Variants in TAFA5 observed in about 807,000 individuals in gnomAD.
TAFA5 encodes the protein chemokine-like protein TAFA-5.
A neutral mutation model predicts 15.3 loss-of-function variants in TAFA5; 6 were observed. The observed-to-expected ratio is 0.39, with a 90% CI of 0.21 to 0.77. TAFA5 has a LOEUF of 0.77. TAFA5 is among the 30% of genes least tolerant of loss of function. The pLI is 0.41. For synonymous variants in TAFA5, 103 were observed against 80.7 expected (o/e 1.28, Z -1.48); for missense variants, 161 against 193.1 (o/e 0.83, Z 0.98).
At chr22:48,724,036 G>A (rs935397275) in intron 3 of TAFA5, among the ~76,000 whole-genome samples, 3 of 152,248 alleles carry the variant, frequency 2.0e-5, no homozygotes, top group African/African-American at 7.2e-5. Flanking sequence ...AAGACTCGGG[G>A]TGCTGGTTGC....
At chr22:48,701,083 G>C (rs1273780353) in intron 2 of TAFA5, among the ~76,000 whole-genome samples, 2 of 152,124 alleles carry the variant, frequency 1.3e-5, no homozygotes, top group Non-Finnish European at 2.9e-5. Flanking sequence ...CTAGGGCCTG[G>C]TACAATGGAT....
At chr22:48,677,544 G>A (rs1465023001) in intron 2 of TAFA5, among the ~76,000 whole-genome samples, 1 of 152,224 alleles carries the variant, frequency 6.6e-6, no homozygotes, top group Non-Finnish European at 1.5e-5. Flanking sequence ...AGACCCAGCA[G>A]CAACGTGGGA....
At chr22:48,712,377 T>C (rs1042012379) in intron 3 of TAFA5, among the ~76,000 whole-genome samples, 1 of 152,204 alleles carries the variant, frequency 6.6e-6, no homozygotes, top group Non-Finnish European at 1.5e-5. Context: ...CTTTTGAAAG[T>C]GCAGGCCGTC....
chr22:48,695,215 C>G (rs1166890491), intron 2 of TAFA5, among the ~76,000 whole-genome samples: 9 of 152,052 alleles, frequency 5.9e-5, no homozygotes, highest in African/African-American at 2.2e-4. Context: ...TAACGTTGCC[C>G]ACTCCTTTTC....
chr22:48,589,489 T>G (rs1924482047), intron 1 of TAFA5, among the ~76,000 whole-genome samples: 1 of 151,436 alleles, frequency 6.6e-6, no homozygotes, highest in African/African-American at 2.4e-5. Context: ...CAGGGTTGGT[T>G]GGAGGTCCCC....
At chr22:48,545,573 G>C (rs1177557310) in intron 1 of TAFA5, 1 of 153,440 alleles carries the variant, frequency 6.5e-6, no homozygotes, top group Non-Finnish European at 1.4e-5. Flanking sequence ...TTGGTGCTGG[G>C]AGAGGTGGAG....
chr22:48,517,124 C>T (rs1377952735), intron 1 of TAFA5, among the ~76,000 whole-genome samples: 1 of 152,126 alleles, frequency 6.6e-6, no homozygotes, highest in Non-Finnish European at 1.5e-5. Context: ...AGCCATTCTC[C>T]CAGCCCCGGA....
At chr22:48,730,825 G>C (rs1179216814) in intron 3 of TAFA5, among the ~76,000 whole-genome samples, 1 of 152,064 alleles carries the variant, frequency 6.6e-6, no homozygotes, top group African/African-American at 2.4e-5. Flanking sequence ...GGGCCTCCCT[G>C]TTCTCTGAAT....
intron 1 of TAFA5, among the ~76,000 whole-genome samples, chr22:48,535,134 G>A (rs1399225786): frequency 6.6e-6 from 1 of 152,144 alleles, no homozygotes; most frequent in Non-Finnish European, 1.5e-5. Flanking sequence ...CCCTTACCTG[G>A]GAACGTTCTG....
intron 1 of TAFA5, among the ~76,000 whole-genome samples, chr22:48,553,340 T>C (rs564900955): frequency 5.1e-4 from 78 of 152,208 alleles, no homozygotes; most frequent in African/African-American, 1.8e-3. Flanking sequence ...CACGGGTCGG[T>C]CTCAGCTCTG....
chr22:48,695,835 C>T (rs1198033169), intron 2 of TAFA5, among the ~76,000 whole-genome samples: 1 of 152,268 alleles, frequency 6.6e-6, no homozygotes, highest in Admixed American at 6.5e-5. Context: ...AGAGTCCTGG[C>T]GAGGGGAGTC....
rs559579779 is a variant in TAFA5, at chr22:48,613,963, C to T, written c.113-32634C>T. Among the ~76,000 whole-genome samples, 74 of 152,332 alleles carry T rather than the reference C, an allele frequency of 4.9e-4. 2 individuals are homozygous for T. Among genetic ancestry groups the T allele is most frequent in the South Asian group, 2.1e-3 (10 of 4,830 alleles). On this transcript the variant is annotated intron_variant, in intron 1 of 3. Coordinates refer to ENST00000402357, the MANE Select transcript of TAFA5 (RefSeq NM_001082967.3). The stretch of plus-strand genomic sequence containing the variant: ...CCCGCTTCCCACCACCCCCGGCTCG[C>T]GGCCCCTGCGAGATGGGATTCTGTG...
intron 2 of TAFA5, among the ~76,000 whole-genome samples, chr22:48,655,830 CTTTTTTTTTTT>C (rs1197219539): frequency 9.6e-5 from 6 of 62,406 alleles, no homozygotes; most frequent in African/African-American, 2.2e-4. Context: ...AACACTGATT[CTTTTTTTTTTT>C]TTTTTTTTTT....
intron 2 of TAFA5, among the ~76,000 whole-genome samples, chr22:48,675,133 G>A (rs1363150267): frequency 1.3e-5 from 2 of 152,138 alleles, no homozygotes; most frequent in East Asian, 1.9e-4. Context: ...GTAGAGATGG[G>A]GTTTCACCCT....
At position 48,751,254 on chromosome 22, in the gene TAFA5, A is replaced by G. The variant is rs1178252068; in HGVS notation, c.*1407A>G. 1 of 152,166 alleles carries G rather than the reference A, an allele frequency of 6.6e-6. No individual in the cohort carries two copies. The highest frequency in any genetic ancestry group is 1.5e-5 in the Non-Finnish European group (1 of 68,006). 9.4% of individuals were successfully genotyped at this position (152,166 alleles called of 1,614,324 possible). On this transcript the variant is annotated 3_prime_UTR_variant, in exon 4 of 4. Transcript: ENST00000402357. ...AGGCCAGTTGACGGCCCTTCTCCCC[A>G]CGCCTGTGTCCCCGCGTTCTGAGAA...
At chr22:48,615,934 T>C (rs1489550751) in intron 1 of TAFA5, among the ~76,000 whole-genome samples, 1 of 152,236 alleles carries the variant, frequency 6.6e-6, no homozygotes, top group Non-Finnish European at 1.5e-5. Context: ...TTGCCCTAGT[T>C]TGTGCAGGGA....
intron 1 of TAFA5, among the ~76,000 whole-genome samples, chr22:48,597,881 G>A (rs764698206): frequency 2.0e-5 from 3 of 152,220 alleles, no homozygotes; most frequent in Non-Finnish European, 2.9e-5. Context: ...AGGGACAGTC[G>A]GGTTGGACCA....
At chr22:48,691,832 G>A (rs906261753) in intron 2 of TAFA5, among the ~76,000 whole-genome samples, 3 of 152,098 alleles carry the variant, frequency 2.0e-5, no homozygotes, top group East Asian at 1.9e-4. Context: ...GTGGAGACTC[G>A]GGCCCCAACT....
chr22:48,620,181 C>G (rs28647465), intron 1 of TAFA5, among the ~76,000 whole-genome samples: 115,469 of 151,966 alleles, frequency 0.76, 44,505 homozygotes, highest in East Asian at 0.9. Context: ...TCCTTTTCCT[C>G]TCCTCGTGCC....
Sources: allele counts gnomAD v4.1 joint callset (sites outside exome capture counted in the v4.1 genomes callset), GRCh38; gene constraint gnomAD v4.1.1; transcripts MANE v1.5; gene names NCBI Gene and HGNC (gene_info 2026-07-23, HGNC 2026-07-21).